Variants in ESRRA observed in about 807,000 individuals in gnomAD.
ESRRA encodes steroid hormone receptor ERR1.
A neutral mutation model predicts 35.6 loss-of-function variants in ESRRA; 7 were observed. The ratio of observed to expected loss-of-function variants is 0.20; its 90% CI spans 0.11 to 0.37. The LOEUF is 0.37. Among genes scored for constraint, ESRRA ranks in the 10% least tolerant of loss-of-function variants. The probability of loss-of-function intolerance (pLI) is 1.00; values close to 1 mark genes in which losing one functional copy is unlikely to be tolerated. For synonymous variants in ESRRA, 223 were observed against 246.9 expected (o/e 0.90, Z 0.91); for missense variants, 378 against 561.7 (o/e 0.67, Z 3.31).
At chr11:64,308,097 G>A (rs558541929) in intron 2 of ESRRA, among the ~76,000 whole-genome samples, 4 of 152,136 alleles carry the variant, frequency 2.6e-5, no homozygotes, top group East Asian at 1.9e-4. Flanking sequence ...TCACCATGTC[G>A]GCCAGGCTGG....
intron 2 of ESRRA, among the ~76,000 whole-genome samples, chr11:64,312,853 G>C (rs979173960): frequency 3.9e-5 from 6 of 152,198 alleles, no homozygotes; most frequent in Non-Finnish European, 8.8e-5. Flanking sequence ...TTCAGGACTA[G>C]AGCTCCAGGC....
intron 6 of ESRRA, 47 bp downstream of exon 6, chr11:64,315,317 T>C: frequency 6.6e-7 from 1 of 1,512,206 alleles, no homozygotes; most frequent in Non-Finnish European, 8.9e-7. Flanking sequence ...CCGTAAGGTC[T>C]TCAGGTTAAC....
Position 64,314,816 on chromosome 11 carries a change from C to A in ESRRA, c.647C>A (p.Ala216Glu). The A allele has an allele frequency of 4.3e-6, 7 of 1,612,468 alleles. No homozygotes were observed. The highest frequency in any genetic ancestry group is 5.9e-6 in the Non-Finnish European group (7 of 1,180,026). Residue 216 changes from alanine to glutamate, a missense_variant, in exon 5 of 7, where the codon GCA becomes GAA. Ala to Glu is a moderately radical substitution (Grantham distance 107). Transcript: ENST00000000442. ...AAGCTCTATGCCATGCCTGACCCCG[C>A]AGGCCCTGATGGGCACCTCCCAGCC... Reference protein sequence around the residue: ...PEKLYAMPDPAGPDGHLPAVA... With the variant: ...PEKLYAMPDPEGPDGHLPAVA...
rs534444692 is a variant in ESRRA, at chr11:64,316,102, G to A, written c.*136G>A. On this transcript the variant is annotated 3_prime_UTR_variant, in exon 7 of 7. Transcript: ENST00000000442. ...GCCAGGGCAATGCCATCAGCCCCTGGGAACAGGCCCCACGCCCTCTCCTCC... is the reference window on the plus strand; with the variant it reads ...GCCAGGGCAATGCCATCAGCCCCTGAGAACAGGCCCCACGCCCTCTCCTCC... 1.4e-4 allele frequency: 148 copies of A among 1,086,886 alleles called. No homozygotes were observed. Among genetic ancestry groups the A allele is most frequent in the Middle Eastern group, 1.3e-3 (4 of 3,124 alleles). The allele number at this position is 1,086,886 out of a possible 1,614,324, so 67.3% of individuals were successfully genotyped here.
intron 5 of ESRRA, 26 bp from the exon 6 acceptor site, chr11:64,314,975 C>G (rs753553188): frequency 1.3e-6 from 2 of 1,589,890 alleles, no homozygotes; most frequent in African/African-American, 1.3e-5. Context: ...CTTGCTCAGC[C>G]AGGCCCGCTC....
chr11:64,313,894 C>A lies in ESRRA; in HGVS notation c.326-57C>A. ...GGGAGAGTCAGGGCTCTCCTGTCAG[C>A]TGGGTCCCCTCCCAGCCCCGGGAGG... On this transcript the variant is annotated intron_variant, in intron 2 of 6. Transcript: ENST00000000442. The surrounding 1 kb of genome is among the most constrained non-coding windows in gnomAD (Gnocchi z 4.0). 7.9e-7 allele frequency: 1 copy of A among 1,273,098 alleles called. No individual in the cohort carries two copies. The highest frequency in any genetic ancestry group is 1.1e-6 in the Non-Finnish European group (1 of 910,916). 78.9% of individuals were successfully genotyped at this position (1,273,098 alleles called of 1,614,324 possible).
chr11:64,307,845 GT>G, intron 2 of ESRRA, among the ~76,000 whole-genome samples: 1 of 152,150 alleles, frequency 6.6e-6, no homozygotes, highest in South Asian at 2.1e-4. Context: ...CATAGAACAT[GT>G]CCCCTTTTTG....
rs2035260757 is a variant in ESRRA at position 64,316,248 on chromosome 11, G to C, written c.*282G>C. 1 of 363,252 alleles carries C rather than the reference G, an allele frequency of 2.8e-6. No homozygotes were observed. The highest frequency in any genetic ancestry group is 5.1e-6 in the Non-Finnish European group (1 of 198,006). 22.5% of individuals were successfully genotyped at this position (363,252 alleles called of 1,614,324 possible). A position where few individuals can be genotyped will look rare whatever the true frequency, so the allele number is the denominator to read the frequency against. ...GGCCTTGCGGAAGCCATAGGGGGCT[G>C]CACGGGATGCGTGGGAGGCAGAAAC... On this transcript the variant is annotated 3_prime_UTR_variant, in exon 7 of 7. Transcript: ENST00000000442.
rs1399984625 is a variant in ESRRA at position 64,313,287 on chromosome 11, C to G, written c.326-664C>G. Among the ~76,000 whole-genome samples the G allele has an allele frequency of 6.6e-6, 1 of 152,134 alleles. No homozygotes were observed. Among genetic ancestry groups the G allele is most frequent in the Non-Finnish European group, 1.5e-5 (1 of 68,032 alleles). On this transcript the variant is annotated intron_variant, in intron 2 of 6. Coordinates refer to ENST00000000442, the MANE Select transcript of ESRRA (RefSeq NM_004451.5). The surrounding 1 kb of genome is among the most constrained non-coding windows in gnomAD (Gnocchi z 4.0). ...AGTGAACACGTGGAGTCCACGTAGG[C>G]TGTGTTCGGTCCGAGATGCCTTCTA...
rs756845967 is a variant in ESRRA, at chr11:64,315,883, G to A, written c.1189G>A (p.Ala397Thr). ...LLRQTAGKVL[A>T]HFYGVKLEGK... ...CCGCCAGACAGCGGGCAAAGTGCTG[G>A]CCCATTTCTATGGGGTGAAGCTGGA... Residue 397 changes from alanine to threonine, a missense_variant, in exon 7 of 7, where the codon GCC becomes ACC. Coordinates refer to ENST00000000442, the MANE Select transcript of ESRRA (RefSeq NM_004451.5). 6.2e-7 allele frequency: 1 copy of A among 1,609,368 alleles called. No individual in the cohort carries two copies. Among genetic ancestry groups the A allele is most frequent in the East Asian group, 2.2e-5 (1 of 44,786 alleles).
At chr11:64,308,632 C>T (rs184035478) in intron 2 of ESRRA, among the ~76,000 whole-genome samples, 15 of 140,124 alleles carry the variant, frequency 1.1e-4, no homozygotes, top group South Asian at 2.3e-4. Context: ...CTGGCTAACA[C>T]GGTGAAACAC....
At chr11:64,308,648 C>T (rs1262630236) in intron 2 of ESRRA, among the ~76,000 whole-genome samples, 1 of 148,932 alleles carries the variant, frequency 6.7e-6, no homozygotes, top group African/African-American at 2.5e-5. Flanking sequence ...AACACTGTCT[C>T]TACTAAAAAT....
chr11:64,314,468 C>A, intron 4 of ESRRA, 101 bp downstream of exon 4: 1 of 1,337,288 alleles, frequency 7.5e-7, no homozygotes, highest in South Asian at 1.5e-5. Flanking sequence ...TTCGTCTCTT[C>A]ACTCACTCAT....
chr11:64,315,041 G>A lies in ESRRA; in HGVS notation c.783G>A (p.Leu261=). The change falls in exon 6 of 7, where the codon CTG becomes CTA. Residue 261 remains leucine (L), a synonymous_variant. Coordinates refer to ENST00000000442, the MANE Select transcript of ESRRA (RefSeq NM_004451.5). ...CGCTGTCTGACCAGATGTCAGTACT[G>A]CAGAGCGTGTGGATGGAGGTGCTGG... The part of the protein sequence containing the change: ...SLSLSDQMSV[L]QSVWMEVLVL... The A allele has an allele frequency of 5.0e-6, 8 of 1,607,472 alleles. No individual in the cohort carries two copies. Among genetic ancestry groups the A allele is most frequent in the Non-Finnish European group, 6.8e-6 (8 of 1,177,750 alleles).
rs576043149 is a variant in ESRRA, at chr11:64,309,693, G to A, written c.325+2189G>A. Among the ~76,000 whole-genome samples the A allele has an allele frequency of 4.0e-5, 6 of 150,776 alleles. No homozygotes were observed. In the South Asian group the frequency reaches 6.3e-4, roughly 16 times the overall value. On this transcript the variant is annotated intron_variant, in intron 2 of 6. Coordinates refer to ENST00000000442, the MANE Select transcript of ESRRA (RefSeq NM_004451.5). Reference sequence around the variant, plus strand: ...TCACACCTGTAATCTCAGCACTTTCGGAGGCTAAGATGGGAGGATCACAAG... The same window carrying A: ...TCACACCTGTAATCTCAGCACTTTCAGAGGCTAAGATGGGAGGATCACAAG...
At position 64,315,808 on chromosome 11, in the gene ESRRA, G is replaced by A. The variant is rs757309827; in HGVS notation, c.1114G>A (p.Gly372Ser). 1.9e-5 allele frequency: 30 copies of A among 1,612,390 alleles called. No individual in the cohort carries two copies. The highest frequency in any genetic ancestry group is 2.5e-5 in the Non-Finnish European group (29 of 1,179,220). The change falls in exon 7 of 7, where the codon GGT becomes AGT. Residue 372 changes from glycine to serine, a missense_variant. By Grantham distance (56) the Gly-to-Ser change is moderately conservative. Around this residue, in one of 4 missense-constraint regions of ESRRA, gnomAD observed 284 missense variants for 411.7 expected, o/e 0.69. Coordinates refer to ENST00000000442, the MANE Select transcript of ESRRA (RefSeq NM_004451.5). ...YEAGRAGPGG[G>S]AERRRAGRLL... ...AGCCGGCCGGGCTGGCCCCGGAGGG[G>A]GTGCTGAGCGGCGGCGGGCGGGCAG...
rs1465576747 is a variant in ESRRA at position 64,313,848 on chromosome 11, C to G, written c.326-103C>G. The G allele has an allele frequency of 1.3e-6, 1 of 761,418 alleles. No individual in the cohort carries two copies. Among genetic ancestry groups the G allele is most frequent in the African/African-American group, 1.8e-5 (1 of 57,104 alleles). The allele number at this position is 761,418 out of a possible 1,614,324, so 47.2% of individuals were successfully genotyped here. A position where few individuals can be genotyped will look rare whatever the true frequency, so the allele number is the denominator to read the frequency against. The stretch of plus-strand genomic sequence containing the variant: ...CCTGCTCTCCCTTTCCTCCCCATAC[C>G]CCCAGACCTGTGCTTGCCCGGGGAG... On this transcript the variant is annotated intron_variant, in intron 2 of 6. Coordinates refer to ENST00000000442, the MANE Select transcript of ESRRA (RefSeq NM_004451.5). The surrounding 1 kb of genome is among the most constrained non-coding windows in gnomAD (Gnocchi z 4.0).
Position 64,315,223 on chromosome 11 carries a change from A to C in ESRRA, c.965A>C (p.Glu322Ala), listed in dbSNP as rs751065133. 2 of 1,605,406 alleles carry C rather than the reference A, an allele frequency of 1.2e-6. No individual in the cohort carries two copies. Among genetic ancestry groups the C allele is most frequent in the East Asian group, 4.5e-5 (2 of 44,774 alleles). The change falls in exon 6 of 7, where the codon GAG becomes GCG. Residue 322 changes from glutamate to alanine, a missense_variant. Around this residue, in one of 4 missense-constraint regions of ESRRA, gnomAD observed 284 missense variants for 411.7 expected, o/e 0.69. Coordinates refer to ENST00000000442, the MANE Select transcript of ESRRA (RefSeq NM_004451.5). Reference sequence around the variant, plus strand: ...CGGCGGCTGCAGGCCCTGCGGCTGGAGCGAGAGGAGTATGTTCTACTAAAG... The same window carrying C: ...CGGCGGCTGCAGGCCCTGCGGCTGGCGCGAGAGGAGTATGTTCTACTAAAG... Reference protein sequence around the residue: ...LVRRLQALRLEREEYVLLKAL... With the variant: ...LVRRLQALRLAREEYVLLKAL...
chr11:64,316,157 CGT>C lies in ESRRA; in HGVS notation c.*196_*197del, dbSNP rs1004462251. The C allele has an allele frequency of 1.4e-5, 9 of 646,608 alleles. No homozygotes were observed. Among genetic ancestry groups the C allele is most frequent in the East Asian group, 1.1e-4 (4 of 35,296 alleles). The allele number at this position is 646,608 out of a possible 1,614,324, so 40.1% of individuals were successfully genotyped here. A position where few individuals can be genotyped will look rare whatever the true frequency, so the allele number is the denominator to read the frequency against. ...CCTAGGGGGTGTCAGAAGCTGGGAA[CGT>C]GTGTCCAGGCTCTGGGCACAGTGCT... On this transcript the variant is annotated 3_prime_UTR_variant, in exon 7 of 7. Coordinates refer to ENST00000000442, the MANE Select transcript of ESRRA (RefSeq NM_004451.5).
Sources: gnomAD v4.1 joint callset for allele counts (sites outside exome capture counted in the v4.1 genomes callset) on GRCh38, gnomAD v4.1.1 for gene constraint, gnomAD v4.1.1 regional missense constraint, Gnocchi (gnomAD v3.1) non-coding constraint, MANE v1.5 for transcripts, NCBI Gene and HGNC (gene_info 2026-07-23, HGNC 2026-07-21) for gene names.